Variants in GOLGA8A observed in about 807,000 individuals in gnomAD.
GOLGA8A encodes golgin subfamily A member 8A.
In GOLGA8A, 3 loss-of-function variants were observed where a neutral mutation model predicts 22.1. The observed-to-expected ratio is 0.14, with a 90% CI of 0.06 to 0.35. GOLGA8A has a LOEUF of 0.35. Among genes scored for constraint, GOLGA8A ranks in the 10% least tolerant of loss-of-function variants. The pLI, the probability that GOLGA8A is intolerant of heterozygous loss-of-function variation, is 1.00. For synonymous variants in GOLGA8A, 7 were observed against 91.7 expected (o/e 0.08, Z 5.28); for missense variants, 16 against 233.2 (o/e 0.07, Z 6.07).
At chr15:34,418,358 T>A (rs1892658025) in intron 2 of GOLGA8A, 1 of 141,286 alleles carries the variant, frequency 7.1e-6, no homozygotes, top group African/African-American at 2.6e-5. Flanking sequence ...AAGCTTTCCA[T>A]TTAAATGCAA....
chr15:34,426,121 AC>A, intron 2 of GOLGA8A, among the ~76,000 whole-genome samples: 1 of 148,808 alleles, frequency 6.7e-6, no homozygotes, highest in Admixed American at 6.8e-5. Flanking sequence ...TACGAAAACA[AC>A]CCCATGCAGA....
intron 2 of GOLGA8A, among the ~76,000 whole-genome samples, chr15:34,424,382 C>T (rs1892898962): frequency 7.3e-6 from 1 of 137,328 alleles, no homozygotes; most frequent in African/African-American, 2.7e-5. Context: ...TAACAAAAGG[C>T]ATAAATAACA....
chr15:34,420,443 C>T (rs1892752639), intron 2 of GOLGA8A, among the ~76,000 whole-genome samples: 1 of 148,006 alleles, frequency 6.8e-6, no homozygotes, highest in Non-Finnish European at 1.5e-5. Context: ...ACAGCACAAG[C>T]AGCTCAGGGC....
At chr15:34,400,538 TTTC>T (rs1471875252) in intron 6 of GOLGA8A, among the ~76,000 whole-genome samples, 171 bp downstream of exon 6, 2 of 150,076 alleles carry the variant, frequency 1.3e-5, no homozygotes, top group Non-Finnish European at 1.5e-5. Flanking sequence ...AAAGGTTCTA[TTTC>T]TTAAGTTTGG....
intron 1 of GOLGA8A, among the ~76,000 whole-genome samples, chr15:34,436,987 C>T (rs1012966857): frequency 2.7e-5 from 4 of 149,480 alleles, no homozygotes; most frequent in Non-Finnish European, 4.5e-5. Flanking sequence ...GGCACGGGGA[C>T]TTGATGCCGG....
chr15:34,381,622 A>C lies in GOLGA8A; in HGVS notation c.1610-9T>G. On this transcript the variant is annotated splice_polypyrimidine_tract_variant and intron_variant, in intron 24 of 24. Coordinates refer to ENST00000359187, the MANE Select transcript of GOLGA8A (RefSeq NM_181077.5). ...GCTCGCCTCACAAAGATCTTTGGAG[A>C]GAGGGAGGCGGGGATCTGAGTGGAG... 2.2e-6 allele frequency: 3 copies of C among 1,334,446 alleles called. No individual in the cohort carries two copies. Among genetic ancestry groups the C allele is most frequent in the Non-Finnish European group, 3.1e-6 (3 of 953,020 alleles). The allele number at this position is 1,334,446 out of a possible 1,614,324, so 82.7% of individuals were successfully genotyped here.
chr15:34,425,232 C>T (rs1892935457), intron 2 of GOLGA8A, among the ~76,000 whole-genome samples: 2 of 147,930 alleles, frequency 1.4e-5, no homozygotes, highest in Non-Finnish European at 3.0e-5. Context: ...GTAACTTACA[C>T]GGTAGATAGT....
intron 2 of GOLGA8A, among the ~76,000 whole-genome samples, chr15:34,432,506 TAAGAC>T (rs1248014510): frequency 5.4e-5 from 8 of 148,938 alleles, no homozygotes; most frequent in African/African-American, 9.9e-5. Context: ...GTTGCAAAGT[TAAGAC>T]AAGACCTGCC....
At chr15:34,418,669 A>G (rs1892671451) in intron 2 of GOLGA8A, 1 of 146,678 alleles carries the variant, frequency 6.8e-6, no homozygotes, top group African/African-American at 2.5e-5. Flanking sequence ...GCTTGGCACA[A>G]ACACATGGCA....
At position 34,381,182 on chromosome 15, in the gene GOLGA8A, T is replaced by C; in HGVS notation, c.*229A>G. 1.4e-6 allele frequency: 1 copy of C among 738,500 alleles called. No individual in the cohort carries two copies. The highest frequency in any genetic ancestry group is 1.9e-5 in the South Asian group (1 of 53,022). 45.7% of individuals were successfully genotyped at this position (738,500 alleles called of 1,614,324 possible). On this transcript the variant is annotated 3_prime_UTR_variant, in exon 25 of 25. Transcript: ENST00000359187. ...ATGCTAATGACCTACAATTATGAAA[T>C]GAAAAAAGAAAAATGCTGAAGGATG...
rs1430476551 is a variant in GOLGA8A, at chr15:34,436,272, C to G, written c.-1211-801G>C. Among the ~76,000 whole-genome samples, 3 of 149,402 alleles carry G rather than the reference C, an allele frequency of 2.0e-5. 1 individual carries two copies. Among genetic ancestry groups the G allele is most frequent in the Non-Finnish European group, 4.5e-5 (3 of 67,202 alleles). On this transcript the variant is annotated intron_variant, in intron 1 of 24. Coordinates refer to ENST00000359187, the MANE Select transcript of GOLGA8A (RefSeq NM_181077.5). ...AGGTCATTACTTCTAAAACCACTGTCCTTTCTGAAACAGGAAGGAAAATAG... is the reference window on the plus strand; with the variant it reads ...AGGTCATTACTTCTAAAACCACTGTGCTTTCTGAAACAGGAAGGAAAATAG...
intron 2 of GOLGA8A, among the ~76,000 whole-genome samples, chr15:34,425,402 C>G: frequency 7.7e-6 from 1 of 129,812 alleles, no homozygotes; most frequent in South Asian, 2.8e-4. Flanking sequence ...AAAAAAAAAA[C>G]TACATCCACA....
intron 2 of GOLGA8A, among the ~76,000 whole-genome samples, chr15:34,431,247 G>T (rs1209332298): frequency 8.3e-6 from 1 of 120,606 alleles, no homozygotes; most frequent in Non-Finnish European, 1.8e-5. Context: ...TGCCTTGCTG[G>T]AGAATCAATT....
Position 34,432,417 on chromosome 15 carries a change from C to T in GOLGA8A, c.-1123+2966G>A, listed in dbSNP as rs188709759. Among the ~76,000 whole-genome samples the T allele has an allele frequency of 1.3e-3, 191 of 149,148 alleles. 16 individuals are homozygous for T. Among genetic ancestry groups the T allele is most frequent in the African/African-American group, 4.3e-3 (176 of 40,464 alleles). ...GACCTCACACTCTCTCCAGCTCAGA[C>T]TCAAAGGCCAGCACTGCCCCATCAC... On this transcript the variant is annotated intron_variant, in intron 2 of 24. Transcript: ENST00000359187.
chr15:34,409,612 AGAAGAGTCTACCATGGCCCACCG>A (rs1219607965), intron 2 of GOLGA8A: 8 of 518,254 alleles, frequency 1.5e-5, no homozygotes, highest in African/African-American at 3.9e-5. Context: ...ATGCCCCACC[AGAAGAGTCTACCATGGCCCACCG>A]GAAGCGTCTA....
At chr15:34,432,218 C>T (rs115470913) in intron 2 of GOLGA8A, among the ~76,000 whole-genome samples, 2 of 149,178 alleles carry the variant, frequency 1.3e-5, no homozygotes, top group South Asian at 2.2e-4. Context: ...ATAGGGCCCA[C>T]GTCATCTGTG....
intron 2 of GOLGA8A, among the ~76,000 whole-genome samples, chr15:34,424,787 T>G (rs990215211): frequency 2.3e-5 from 3 of 132,846 alleles, no homozygotes; most frequent in African/African-American, 8.7e-5. Context: ...GAATATGGGA[T>G]GAATTTAGTT....
Position 34,381,004 on chromosome 15 carries a change from G to C in GOLGA8A, c.*407C>G, listed in dbSNP as rs996825817. Reference sequence around the variant, plus strand: ...GATCAAACATCATAGCAGAACATTAGCAAATTTTATCTGAATTCTGTAATG... The same window carrying C: ...GATCAAACATCATAGCAGAACATTACCAAATTTTATCTGAATTCTGTAATG... On this transcript the variant is annotated 3_prime_UTR_variant, in exon 25 of 25. Coordinates refer to ENST00000359187, the MANE Select transcript of GOLGA8A (RefSeq NM_181077.5). The C allele has an allele frequency of 1.7e-5, 6 of 346,124 alleles. No homozygotes were observed. Among genetic ancestry groups the C allele is most frequent in the African/African-American group, 1.3e-4 (6 of 46,728 alleles). The allele number at this position is 346,124 out of a possible 1,614,324, so 21.4% of individuals were successfully genotyped here. A position where few individuals can be genotyped will look rare whatever the true frequency, so the allele number is the denominator to read the frequency against.
chr15:34,381,550 G>A lies in GOLGA8A; in HGVS notation c.1673C>T (p.Ser558Phe). 1 of 1,612,020 alleles carries A rather than the reference G, an allele frequency of 6.2e-7. No homozygotes were observed. Among genetic ancestry groups the A allele is most frequent in the Non-Finnish European group, 8.5e-7 (1 of 1,179,370 alleles). Residue 558 changes from serine to phenylalanine, a missense_variant, in exon 25 of 25, where the codon TCT (serine) becomes TTT (phenylalanine). By Grantham distance (155) the Ser-to-Phe change is radical. Coordinates refer to ENST00000359187, the MANE Select transcript of GOLGA8A (RefSeq NM_181077.5). The part of the protein sequence containing the change: ...EPAQGEAREG[S>F]SQDNPTAQPV... ...CTGTGCAGTAGGGTTGTCCTGGGAA[G>A]AACCCTCCCTGGCTTCTCCTTGTGC... is the stretch of plus-strand genomic sequence containing the variant.
Sources: gnomAD v4.1 joint callset for allele counts (sites outside exome capture counted in the v4.1 genomes callset) on GRCh38, gnomAD v4.1.1 for gene constraint, MANE v1.5 for transcripts, NCBI Gene and HGNC (gene_info 2026-07-23, HGNC 2026-07-21) for gene names.